The following DDX10 variants were observed in gnomAD, a reference collection of about 807,000 sequenced individuals.
The protein encoded by DDX10 is probable ATP-dependent RNA helicase DDX10.
A neutral mutation model predicts 104.3 loss-of-function variants in DDX10; 74 were observed. The observed-to-expected ratio is 0.71, with a 90% CI of 0.59 to 0.86. The LOEUF is 0.86. Among genes scored for constraint, DDX10 ranks in the 40% least tolerant of loss-of-function variants. The pLI, the probability that DDX10 is intolerant of heterozygous loss-of-function variation, is 0.00. For missense variants in DDX10, 952 were observed against 1,040.0 expected (o/e 0.92, Z 1.16); for synonymous variants, 351 against 353.4 (o/e 0.99, Z 0.08).
chr11:108,736,781 T>A (rs1368284164), intron 13 of DDX10, among the ~76,000 whole-genome samples: 1 of 152,210 alleles, frequency 6.6e-6, no homozygotes, highest in Non-Finnish European at 1.5e-5. Flanking sequence ...GGTCTTGGAC[T>A]TCCCAGCCTC....
chr11:108,865,723 G>A (rs1255447412), intron 16 of DDX10, among the ~76,000 whole-genome samples: 2 of 152,110 alleles, frequency 1.3e-5, no homozygotes, highest in Non-Finnish European at 2.9e-5. Context: ...GTGGTAGGAT[G>A]ATCCTAGAAG....
intron 13 of DDX10, among the ~76,000 whole-genome samples, chr11:108,819,755 C>T (rs901230528): frequency 2.6e-5 from 4 of 152,064 alleles, no homozygotes; most frequent in Admixed American, 1.3e-4. Flanking sequence ...CCTGCCACCA[C>T]GCCCAGCTGA....
At chr11:108,890,535 C>T (rs1863361505) in intron 16 of DDX10, among the ~76,000 whole-genome samples, 1 of 150,372 alleles carries the variant, frequency 6.7e-6, no homozygotes, top group African/African-American at 2.5e-5. Context: ...CAACATGGTA[C>T]TTGCTGCTAG....
intron 16 of DDX10, among the ~76,000 whole-genome samples, chr11:108,874,320 C>G (rs1863121873): frequency 6.6e-6 from 1 of 152,170 alleles, no homozygotes; most frequent in Non-Finnish European, 1.5e-5. Flanking sequence ...GTGCTGCACA[C>G]TCTCTCTACT....
chr11:108,908,394 C>A (rs887420523), intron 16 of DDX10, among the ~76,000 whole-genome samples: 2 of 152,054 alleles, frequency 1.3e-5, no homozygotes, highest in Admixed American at 6.5e-5. Context: ...TGGAATTTTT[C>A]CTCTTCATGA....
intron 16 of DDX10, among the ~76,000 whole-genome samples, chr11:108,866,806 A>G (rs1318982489): frequency 6.6e-6 from 1 of 152,214 alleles, no homozygotes; most frequent in African/African-American, 2.4e-5. Context: ...TCAAGGACTG[A>G]CATTTAGTAA....
chr11:108,750,711 C>A (rs1308297795), intron 13 of DDX10, among the ~76,000 whole-genome samples: 2 of 151,232 alleles, frequency 1.3e-5, no homozygotes, highest in Non-Finnish European at 2.9e-5. Context: ...ATAGACTTTT[C>A]TTATATATAT....
At chr11:108,877,376 T>G (rs774825380) in intron 16 of DDX10, among the ~76,000 whole-genome samples, 18 of 152,194 alleles carry the variant, frequency 1.2e-4, no homozygotes, top group Non-Finnish European at 2.2e-4. Context: ...TTCTTTAAAT[T>G]TATGTAATAC....
At chr11:108,679,313 C>G in intron 5 of DDX10, 58 bp from the exon 6 acceptor site, 2 of 1,389,738 alleles carry the variant, frequency 1.4e-6, no homozygotes, top group Non-Finnish European at 1.9e-6. Flanking sequence ...ATACCCATTG[C>G]ATTTAGCCTA....
intron 13 of DDX10, among the ~76,000 whole-genome samples, chr11:108,745,718 A>G: frequency 6.6e-6 from 1 of 152,214 alleles, no homozygotes; most frequent in East Asian, 1.9e-4. Flanking sequence ...AGTCTTAAAT[A>G]TAAACATTTT....
chr11:108,713,764 T>C lies in DDX10; in HGVS notation c.1323-2115T>C, dbSNP rs543390285. On this transcript the variant is annotated intron_variant, in intron 10 of 17. Transcript: ENST00000322536. The stretch of plus-strand genomic sequence containing the variant: ...GTATTATAAAAAGAATTGCTGTAAA[T>C]AGGCCTTTAGTGATGTTAGTGCTGT... Among the ~76,000 whole-genome samples, 21 of 152,278 alleles carry C rather than the reference T, an allele frequency of 1.4e-4. No homozygotes were observed. The South Asian group carries it at 4.4e-3, about 32-fold the overall frequency.
chr11:108,913,105 G>A (rs1210391442), intron 16 of DDX10, among the ~76,000 whole-genome samples: 1 of 152,162 alleles, frequency 6.6e-6, no homozygotes, highest in Non-Finnish European at 1.5e-5. Flanking sequence ...AATTTAGAAA[G>A]TTTATTTTGC....
chr11:108,737,209 T>C (rs911354047), intron 13 of DDX10, among the ~76,000 whole-genome samples: 3 of 152,226 alleles, frequency 2.0e-5, no homozygotes, highest in Middle Eastern at 3.2e-3. Context: ...TCTATGATTT[T>C]TGTTTTAATA....
intron 13 of DDX10, among the ~76,000 whole-genome samples, chr11:108,731,310 C>CA (rs1209370368): frequency 6.6e-6 from 1 of 152,164 alleles, no homozygotes; most frequent in South Asian, 2.1e-4. Context: ...CTCAGCCTCT[C>CA]AAAGTGCTAG....
intron 16 of DDX10, among the ~76,000 whole-genome samples, chr11:108,864,421 A>T (rs1223998996): frequency 6.6e-6 from 1 of 151,182 alleles, no homozygotes; most frequent in African/African-American, 2.4e-5. Flanking sequence ...AATAAACTTT[A>T]TATATATAGA....
chr11:108,883,066 C>G (rs1161315319), intron 16 of DDX10, among the ~76,000 whole-genome samples: 1 of 151,962 alleles, frequency 6.6e-6, no homozygotes, highest in African/African-American at 2.4e-5. Flanking sequence ...CGGGGTTTTT[C>G]CCCCCTCTCT....
chr11:108,806,162 C>T (rs532789923), intron 13 of DDX10, among the ~76,000 whole-genome samples: 4 of 152,090 alleles, frequency 2.6e-5, no homozygotes, highest in Non-Finnish European at 5.9e-5. Context: ...GGGGTCTCTC[C>T]ATGTTGGCTA....
At chr11:108,770,925 A>G (rs187632588) in intron 13 of DDX10, among the ~76,000 whole-genome samples, 3 of 152,076 alleles carry the variant, frequency 2.0e-5, no homozygotes, top group Non-Finnish European at 4.4e-5. Context: ...GGAGTTTCCA[A>G]AGTGTTGTCC....
At chr11:108,715,807 A>G (rs921293009) in intron 10 of DDX10, 72 bp from the exon 11 acceptor site, 1 of 754,642 alleles carries the variant, frequency 1.3e-6, no homozygotes, top group Non-Finnish European at 2.3e-6. Flanking sequence ...GAAAATAGGA[A>G]AATGCTGCTT....
Sources: allele counts gnomAD v4.1 joint callset (sites outside exome capture counted in the v4.1 genomes callset), GRCh38; gene constraint gnomAD v4.1.1; transcripts MANE v1.5; gene names NCBI Gene and HGNC (gene_info 2026-07-23, HGNC 2026-07-21).